The following CNOT3 variants were observed in gnomAD, a reference collection of about 807,000 sequenced individuals.
CNOT3 encodes the protein CCR4-NOT transcription complex subunit 3.
A neutral mutation model predicts 89.4 loss-of-function variants in CNOT3; 2 were observed. The observed-to-expected ratio is 0.02, with a 90% CI of 0.01 to 0.07. The LOEUF is 0.07. CNOT3 is among the 10% of genes least tolerant of loss of function. CNOT3 has a pLI of 1.00. For synonymous variants in CNOT3, 486 were observed against 402.0 expected (o/e 1.21, Z -2.50); for missense variants, 664 against 1,010.2 (o/e 0.66, Z 4.65).
Position 54,153,902 on chromosome 19 carries a change from G to C in CNOT3, c.2163+62G>C, listed in dbSNP as rs376525416. 6.8e-6 allele frequency: 11 copies of C among 1,609,784 alleles called. No homozygotes were observed. In the East Asian group the frequency reaches 1.1e-4, roughly 16 times the overall value. ...TTGGGGTAGAGTCCCCAGGCTCCAG[G>C]CAGCCCCTGCTGGCCTCTGCTCCCT... On this transcript the variant is annotated intron_variant, in intron 17 of 17. Coordinates refer to ENST00000221232, the MANE Select transcript of CNOT3 (RefSeq NM_014516.4).
rs751617710 is a variant in CNOT3, at chr19:54,148,058, G to C, written c.895-90G>C. 2 of 1,068,592 alleles carry C rather than the reference G, an allele frequency of 1.9e-6. No homozygotes were observed. The highest frequency in any genetic ancestry group is 2.5e-6 in the Non-Finnish European group (2 of 785,530). The allele number at this position is 1,068,592 out of a possible 1,614,324, so 66.2% of individuals were successfully genotyped here. A position where few individuals can be genotyped will look rare whatever the true frequency, so the allele number is the denominator to read the frequency against. ...GGGCAGCGAGGCCAGAGAGGAGGCT[G>C]CTGGGACAAAGATGGAGCCTGAGGT... On this transcript the variant is annotated intron_variant, in intron 10 of 17. Transcript: ENST00000221232. The surrounding 1 kb of genome is among the most constrained non-coding windows in gnomAD (Gnocchi z 6.3).
chr19:54,153,747 C>G lies in CNOT3; in HGVS notation c.2070C>G (p.Ala690=). The part of the protein sequence containing the change: ...GTKAQYLAAK[A]LKKQSWRFHT... Reference sequence around the variant, plus strand: ...AGGCACAGTATCTGGCAGCCAAGGCCCTAAAGAAGCAGTCATGGCGATTCC... The same window carrying G: ...AGGCACAGTATCTGGCAGCCAAGGCGCTAAAGAAGCAGTCATGGCGATTCC... The change falls in exon 17 of 18, where the codon GCC becomes GCG. Residue 690 remains alanine (A), a synonymous_variant. Coordinates refer to ENST00000221232, the MANE Select transcript of CNOT3 (RefSeq NM_014516.4). 6.2e-7 allele frequency: 1 copy of G among 1,614,072 alleles called. No individual in the cohort carries two copies. The highest frequency in any genetic ancestry group is 8.5e-7 in the Non-Finnish European group (1 of 1,179,930).
chr19:54,146,107 C>T (rs1337769882), intron 9 of CNOT3, 64 bp downstream of exon 9: 1 of 1,581,080 alleles, frequency 6.3e-7, no homozygotes, highest in Non-Finnish European at 8.6e-7. Context: ...GGAGACAAAT[C>T]TGGGTCACTC....
chr19:54,138,979 C>G (rs1420731554), intron 1 of CNOT3, among the ~76,000 whole-genome samples: 1 of 152,206 alleles, frequency 6.6e-6, no homozygotes, highest in South Asian at 2.1e-4. Context: ...GTGGGCGTCT[C>G]CCAGTGATAT....
In CNOT3 at chr19:54,153,038, C is replaced by T. The variant is rs754157778; in HGVS notation, c.2037+39C>T. Reference sequence around the variant, plus strand: ...CCCGGGGCAGCCTCGGGCCCCCCGGCTTCGCCGCCACCGCCGCCGTCCCCC... The same window carrying T: ...CCCGGGGCAGCCTCGGGCCCCCCGGTTTCGCCGCCACCGCCGCCGTCCCCC... On this transcript the variant is annotated intron_variant, in intron 16 of 17. Coordinates refer to ENST00000221232, the MANE Select transcript of CNOT3 (RefSeq NM_014516.4). The T allele has an allele frequency of 3.2e-6, 5 of 1,581,960 alleles. No individual in the cohort carries two copies. In the East Asian group the frequency reaches 9.0e-5, roughly 28 times the overall value.
At chr19:54,138,457 C>CAT in intron 1 of CNOT3, among the ~76,000 whole-genome samples, 1 of 152,184 alleles carries the variant, frequency 6.6e-6, no homozygotes, top group East Asian at 1.9e-4. Flanking sequence ...CGGTCCTTCG[C>CAT]GTTGTGGGGC....
At chr19:54,149,927 C>T (rs371562661) in intron 13 of CNOT3, among the ~76,000 whole-genome samples, 169 bp downstream of exon 13, 4 of 152,142 alleles carry the variant, frequency 2.6e-5, no homozygotes, top group South Asian at 2.1e-4. Context: ...CCACCCTCCC[C>T]GTGACCTTGA....
Position 54,153,711 on chromosome 19 carries a change from C to T in CNOT3, c.2038-4C>T, listed in dbSNP as rs750170524. ...GATCCCCCTCTCCACTGTTCCTCCCCCAGGGCACTAAGGCACAGTATCTGG... is the reference window on the plus strand; with the variant it reads ...GATCCCCCTCTCCACTGTTCCTCCCTCAGGGCACTAAGGCACAGTATCTGG... On this transcript the variant is annotated splice_polypyrimidine_tract_variant and splice_region_variant and intron_variant, in intron 16 of 17. Transcript: ENST00000221232. 6 of 1,613,596 alleles carry T rather than the reference C, an allele frequency of 3.7e-6. No homozygotes were observed. Among genetic ancestry groups the T allele is most frequent in the Non-Finnish European group, 4.2e-6 (5 of 1,179,626 alleles).
In CNOT3 at chr19:54,155,177, G is replaced by A. The variant is rs924299756; in HGVS notation, c.2164-132G>A. The A allele has an allele frequency of 8.6e-5, 83 of 962,990 alleles. No homozygotes were observed. In the African/African-American group the frequency reaches 1.0e-3, roughly 12 times the overall value. 59.7% of individuals were successfully genotyped at this position (962,990 alleles called of 1,614,324 possible). A position where few individuals can be genotyped will look rare whatever the true frequency, so the allele number is the denominator to read the frequency against. ...ACCTTGTGAGGATGGATGAGAGTGT[G>A]TGCGTGCAGGGCAGCTGGCCCGGTG... On this transcript the variant is annotated intron_variant, in intron 17 of 17. Coordinates refer to ENST00000221232, the MANE Select transcript of CNOT3 (RefSeq NM_014516.4).
At chr19:54,147,620 T>C (rs909032775) in intron 10 of CNOT3, among the ~76,000 whole-genome samples, 25 of 152,186 alleles carry the variant, frequency 1.6e-4, no homozygotes, top group Admixed American at 1.4e-3. Flanking sequence ...GCAGATTGCC[T>C]GCGGTAGGGA....
Position 54,148,122 on chromosome 19 carries a change from G to T in CNOT3, c.895-26G>T, listed in dbSNP as rs369505503. The T allele has an allele frequency of 1.4e-6, 2 of 1,445,674 alleles. No homozygotes were observed. The highest frequency in any genetic ancestry group is 1.5e-5 in the African/African-American group (1 of 68,520). 89.6% of individuals were successfully genotyped at this position (1,445,674 alleles called of 1,614,324 possible). ...GAGACCAGCTGGCCCACTGGGTCCT[G>T]ACCCTCTGCTCTCTCCCACCCGCAG... On this transcript the variant is annotated intron_variant, in intron 10 of 17. Transcript: ENST00000221232. The surrounding 1 kb of genome is among the most constrained non-coding windows in gnomAD (Gnocchi z 6.3).
chr19:54,155,227 A>G, intron 17 of CNOT3, 82 bp from the exon 18 acceptor site: 1 of 1,563,200 alleles, frequency 6.4e-7, no homozygotes, highest in Non-Finnish European at 8.7e-7. Flanking sequence ...AGCCCTAAGA[A>G]TTGTCCCCTT....
At position 54,148,454 on chromosome 19, in the gene CNOT3, G is replaced by GGCGGCA; in HGVS notation, c.1206_1211dup (p.Ser403_Gly404dup). ...CGTCCAGCCTAGCGGAGGCGGAGGC[G>GGCGGCA]GCGGCAGCGGAGGCGGAGGGAGCAG... On this transcript the variant is annotated inframe_insertion, in exon 11 of 18. Transcript: ENST00000221232. The surrounding 1 kb of genome is among the most constrained non-coding windows in gnomAD (Gnocchi z 6.3). 6.4e-7 allele frequency: 1 copy of GGCGGCA among 1,565,834 alleles called. No homozygotes were observed.
At chr19:54,142,786 A>G in intron 1 of CNOT3, 143 bp from the exon 2 acceptor site, 3 of 643,054 alleles carry the variant, frequency 4.7e-6, no homozygotes, top group Non-Finnish European at 5.6e-6. Flanking sequence ...CATCAGGAGA[A>G]CTGGGGCTGG....
intron 13 of CNOT3, among the ~76,000 whole-genome samples, chr19:54,150,320 C>T (rs1441583037): frequency 6.6e-6 from 1 of 152,106 alleles, no homozygotes; most frequent in Non-Finnish European, 1.5e-5. Context: ...CTAACAGCTG[C>T]AGGAAGGGCT....
chr19:54,148,441 C>G lies in CNOT3; in HGVS notation c.1188C>G (p.Ser396Arg). ...CCCGGCCCCCCAGCGTCCAGCCTAG[C>G]GGAGGCGGAGGCGGCGGCAGCGGAG... ...TQPRPPSVQP[S>R]GGGGGGSGGG... Residue 396 changes from serine to arginine, a missense_variant, in exon 11 of 18, where the codon AGC (serine) becomes AGG (arginine). Coordinates refer to ENST00000221232, the MANE Select transcript of CNOT3 (RefSeq NM_014516.4). The surrounding 1 kb of genome is among the most constrained non-coding windows in gnomAD (Gnocchi z 6.3). The G allele has an allele frequency of 6.4e-7, 1 of 1,566,248 alleles. No individual in the cohort carries two copies. Among genetic ancestry groups the G allele is most frequent in the South Asian group, 1.2e-5 (1 of 82,894 alleles).
rs1372903603 is a variant in CNOT3, at chr19:54,144,633, G to A, written c.483+301G>A. Among the ~76,000 whole-genome samples, 2 of 152,182 alleles carry A rather than the reference G, an allele frequency of 1.3e-5. No homozygotes were observed. Among genetic ancestry groups the A allele is most frequent in the African/African-American group, 2.4e-5 (1 of 41,440 alleles). On this transcript the variant is annotated intron_variant, in intron 7 of 17. Transcript: ENST00000221232. The surrounding 1 kb of genome is among the most constrained non-coding windows in gnomAD (Gnocchi z 4.8). Reference sequence around the variant, plus strand: ...GAGTGCAGGTTGAGCTTGGGCCACAGAGTAAAAGTGAGACCTGAAGGACAC... The same window carrying A: ...GAGTGCAGGTTGAGCTTGGGCCACAAAGTAAAAGTGAGACCTGAAGGACAC...
chr19:54,145,470 C>A lies in CNOT3; in HGVS notation c.484-128C>A. 1 of 673,458 alleles carries A rather than the reference C, an allele frequency of 1.5e-6. No homozygotes were observed. Among genetic ancestry groups the A allele is most frequent in the South Asian group, 1.7e-5 (1 of 57,516 alleles). 41.7% of individuals were successfully genotyped at this position (673,458 alleles called of 1,614,324 possible). The stretch of plus-strand genomic sequence containing the variant: ...TGGGTGGACCCCATACTGCCCCACC[C>A]CGAAGGGGATGGCGTGGAGGCTTTG... On this transcript the variant is annotated intron_variant, in intron 7 of 17. Transcript: ENST00000221232. The surrounding 1 kb of genome is among the most constrained non-coding windows in gnomAD (Gnocchi z 5.9).
intron 10 of CNOT3, among the ~76,000 whole-genome samples, chr19:54,147,599 G>A (rs969208542): frequency 2.0e-5 from 3 of 152,302 alleles, no homozygotes; most frequent in South Asian, 2.1e-4. Context: ...TCAGCAGCCC[G>A]AGTGCTGTCC....
Sources: allele counts gnomAD v4.1 joint callset (sites outside exome capture counted in the v4.1 genomes callset), GRCh38; gene constraint gnomAD v4.1.1; non-coding constraint Gnocchi (gnomAD v3.1); transcripts MANE v1.5; gene names NCBI Gene and HGNC (gene_info 2026-07-23, HGNC 2026-07-21).